Variants in BRINP3 observed in about 807,000 individuals in gnomAD.
BRINP3 encodes BMP/retinoic acid-inducible neural-specific protein 3.
A neutral mutation model predicts 71.0 loss-of-function variants in BRINP3; 19 were observed. The observed-to-expected ratio is 0.27, with a 90% CI of 0.19 to 0.39. The LOEUF is 0.39. Ranked by LOEUF, BRINP3 falls within the 10% of genes least tolerant of loss-of-function variation. The pLI, the probability that BRINP3 is intolerant of heterozygous loss-of-function variation, is 1.00. For missense variants in BRINP3, 959 were observed against 940.8 expected (o/e 1.02, Z -0.25); for synonymous variants, 380 against 337.7 (o/e 1.13, Z -1.37).
intron 1 of BRINP3, chr1:190,476,043 G>A (rs1047328621): frequency 3.3e-5 from 5 of 151,722 alleles, no homozygotes; most frequent in Admixed American, 2.6e-4. Flanking sequence ...GGCGCCAAGT[G>A]GTGCGGACCA....
At chr1:190,170,651 C>T (rs933379151) in intron 6 of BRINP3, among the ~76,000 whole-genome samples, 1 of 152,046 alleles carries the variant, frequency 6.6e-6, no homozygotes, top group Non-Finnish European at 1.5e-5. Flanking sequence ...GAAAGCAAAA[C>T]TGCAAGATAA....
intron 7 of BRINP3, among the ~76,000 whole-genome samples, chr1:190,122,805 A>G (rs1477751666): frequency 6.6e-6 from 1 of 152,134 alleles, no homozygotes; most frequent in Non-Finnish European, 1.5e-5. Flanking sequence ...TAAACCATCC[A>G]GTTTGCAGTA....
At chr1:190,353,434 A>G (rs1390214185) in intron 2 of BRINP3, among the ~76,000 whole-genome samples, 1 of 152,082 alleles carries the variant, frequency 6.6e-6, no homozygotes, top group Non-Finnish European at 1.5e-5. Flanking sequence ...ATCACTTCAC[A>G]TTAAATGATA....
chr1:190,243,156 T>G (rs963477362), intron 4 of BRINP3, among the ~76,000 whole-genome samples: 1 of 152,066 alleles, frequency 6.6e-6, no homozygotes. Context: ...GTTCTTAAAT[T>G]ATTGATTTAG....
In BRINP3 at chr1:190,412,548, C is replaced by T. The variant is rs953540921; in HGVS notation, c.236+42107G>A. Among the ~76,000 whole-genome samples, 21 of 146,304 alleles carry T rather than the reference C, an allele frequency of 1.4e-4. 1 individual carries two copies. Among genetic ancestry groups the T allele is most frequent in the Non-Finnish European group, 2.4e-4 (16 of 66,034 alleles). Reference sequence around the variant, plus strand: ...TGGGATCTCGGCTCACTGCAAGCTCCGCCTCCCGGGTTCACGCCATTCTCC... The same window carrying T: ...TGGGATCTCGGCTCACTGCAAGCTCTGCCTCCCGGGTTCACGCCATTCTCC... On this transcript the variant is annotated intron_variant, in intron 2 of 7. Coordinates refer to ENST00000367462, the MANE Select transcript of BRINP3 (RefSeq NM_199051.3).
chr1:190,313,882 G>A (rs1665708231), intron 2 of BRINP3, among the ~76,000 whole-genome samples: 1 of 151,750 alleles, frequency 6.6e-6, no homozygotes, highest in Admixed American at 6.6e-5. Context: ...GAACTAAGTA[G>A]GTAAAATATA....
chr1:190,395,137 G>T (rs991848063), intron 2 of BRINP3, among the ~76,000 whole-genome samples: 3 of 151,612 alleles, frequency 2.0e-5, no homozygotes, highest in Admixed American at 1.3e-4. Flanking sequence ...TGTGGTTATT[G>T]TTTACTCAGG....
intron 4 of BRINP3, among the ~76,000 whole-genome samples, chr1:190,248,439 C>T (rs1659814843): frequency 6.6e-6 from 1 of 151,578 alleles, no homozygotes; most frequent in Non-Finnish European, 1.5e-5. Context: ...AACTCTATTC[C>T]ATAATGTGCC....
chr1:190,178,542 A>C (rs1475320031), intron 6 of BRINP3, among the ~76,000 whole-genome samples: 1 of 152,130 alleles, frequency 6.6e-6, no homozygotes, highest in African/African-American at 2.4e-5. Context: ...AAGCTATCTA[A>C]GAAATTAGGT....
intron 2 of BRINP3, 49 bp from the exon 3 acceptor site, chr1:190,281,799 G>A (rs1476804335): frequency 6.5e-7 from 1 of 1,538,188 alleles, no homozygotes; most frequent in Non-Finnish European, 8.8e-7. Context: ...CTATCTGAAT[G>A]TTTTCATTTG....
At chr1:190,434,459 T>C (rs1156520795) in intron 2 of BRINP3, among the ~76,000 whole-genome samples, 1 of 152,024 alleles carries the variant, frequency 6.6e-6, no homozygotes, top group Non-Finnish European at 1.5e-5. Flanking sequence ...CAAGTTTTTT[T>C]GTTGATCTTT....
intron 2 of BRINP3, among the ~76,000 whole-genome samples, chr1:190,334,760 C>T (rs1667181256): frequency 6.6e-6 from 1 of 151,680 alleles, no homozygotes; most frequent in Non-Finnish European, 1.5e-5. Flanking sequence ...CTATAGATTG[C>T]AGGGTATTGA....
intron 2 of BRINP3, among the ~76,000 whole-genome samples, chr1:190,395,547 A>C (rs981980642): frequency 1.3e-5 from 2 of 151,794 alleles, no homozygotes; most frequent in African/African-American, 4.8e-5. Context: ...AATTAACACA[A>C]GAAATATTGA....
At chr1:190,169,591 C>T (rs562107125) in intron 6 of BRINP3, among the ~76,000 whole-genome samples, 3 of 152,156 alleles carry the variant, frequency 2.0e-5, no homozygotes, top group African/African-American at 7.2e-5. Context: ...GCCTCAAGGG[C>T]AATTATAATT....
At chr1:190,239,230 T>C (rs1188231749) in intron 4 of BRINP3, among the ~76,000 whole-genome samples, 1 of 152,092 alleles carries the variant, frequency 6.6e-6, no homozygotes, top group African/African-American at 2.4e-5. Context: ...CCAAACCATA[T>C]CAAGTGGCAA....
intron 6 of BRINP3, among the ~76,000 whole-genome samples, chr1:190,211,676 A>G (rs1448553578): frequency 1.3e-5 from 2 of 152,168 alleles, no homozygotes; most frequent in South Asian, 2.1e-4. Context: ...TGATCTAAAC[A>G]GAGAAAAAAC....
At chr1:190,146,973 C>G (rs1288428035) in intron 7 of BRINP3, among the ~76,000 whole-genome samples, 1 of 151,870 alleles carries the variant, frequency 6.6e-6, no homozygotes, top group Non-Finnish European at 1.5e-5. Flanking sequence ...CCTTAAATTG[C>G]CACAAGATTT....
At chr1:190,400,312 A>C (rs1390269466) in intron 2 of BRINP3, among the ~76,000 whole-genome samples, 1 of 152,182 alleles carries the variant, frequency 6.6e-6, no homozygotes, top group African/African-American at 2.4e-5. Context: ...GGAATAAATA[A>C]GTCACAAAAC....
chr1:190,443,337 G>A (rs1285802321), intron 2 of BRINP3, among the ~76,000 whole-genome samples: 1 of 151,388 alleles, frequency 6.6e-6, no homozygotes, highest in Non-Finnish European at 1.5e-5. Context: ...CCAGGGAGGC[G>A]GAGCTTGCAG....
Sources: gnomAD v4.1 joint callset for allele counts (sites outside exome capture counted in the v4.1 genomes callset) on GRCh38, gnomAD v4.1.1 for gene constraint, MANE v1.5 for transcripts, NCBI Gene and HGNC (gene_info 2026-07-23, HGNC 2026-07-21) for gene names.